SOD2: variants seen among roughly 807,000 people sequenced by gnomAD.
SOD2 encodes the protein superoxide dismutase [Mn], mitochondrial.
In SOD2, 11 loss-of-function variants were observed where a neutral mutation model predicts 27.0. The observed-to-expected ratio is 0.41, with a 90% confidence interval of 0.26 to 0.67. The LOEUF (loss-of-function observed/expected upper bound fraction) is 0.67, where lower values mean the gene tolerates loss of function less well. Ranked by LOEUF, SOD2 falls within the 30% of genes least tolerant of loss-of-function variation. SOD2 has a pLI of 0.34. For synonymous variants in SOD2, 105 were observed against 103.0 expected (o/e 1.02, Z -0.12); for missense variants, 250 against 274.5 (o/e 0.91, Z 0.63).
chr6:159,700,534 G>A (rs546352561), intron 1 of SOD2, among the ~76,000 whole-genome samples: 3 of 151,736 alleles, frequency 2.0e-5, no homozygotes, highest in South Asian at 2.1e-4. Context: ...GGCGCCTGTA[G>A]TCCCAGCTAC....
At chr6:159,759,594 C>T (rs1161588312) in intron 1 of SOD2, among the ~76,000 whole-genome samples, 1 of 150,058 alleles carries the variant, frequency 6.7e-6, no homozygotes, top group Non-Finnish European at 1.5e-5. Context: ...CGCTTGAACC[C>T]GGGAGGTGGA....
intron 1 of SOD2, among the ~76,000 whole-genome samples, chr6:159,718,777 A>C (rs1777971988): frequency 6.6e-6 from 1 of 152,212 alleles, no homozygotes; most frequent in South Asian, 2.1e-4. Flanking sequence ...AATGTGTCTT[A>C]GGCTAATTGC....
intron 1 of SOD2, among the ~76,000 whole-genome samples, chr6:159,707,118 AGT>A (rs1404416467): frequency 3.3e-5 from 5 of 152,356 alleles, no homozygotes; most frequent in African/African-American, 9.6e-5. Context: ...CATTTAAAGC[AGT>A]GTGTAGAGAG....
upstream of SOD2, among the ~76,000 whole-genome samples, chr6:159,728,393 A>G (rs1473572284): frequency 6.6e-6 from 1 of 151,790 alleles, no homozygotes; most frequent in Non-Finnish European, 1.5e-5. Context: ...ATCAAGGACT[A>G]GCATAACTGT....
At chr6:159,755,142 A>C (rs759258633) in intron 1 of SOD2, 20 of 1,614,098 alleles carry the variant, frequency 1.2e-5, no homozygotes, top group Admixed American at 3.3e-5. Context: ...CAGTACCAGC[A>C]GCAGCAGTCT....
chr6:159,695,670 A>AT (rs1298924981), upstream of SOD2, among the ~76,000 whole-genome samples: 5 of 151,602 alleles, frequency 3.3e-5, no homozygotes, highest in African/African-American at 1.2e-4. Context: ...AATTTTTTTT[A>AT]TTTTTTGTAG....
At chr6:159,738,971 A>G in intron 1 of SOD2, 12 of 1,595,148 alleles carry the variant, frequency 7.5e-6, no homozygotes, top group Non-Finnish European at 1.0e-5. Flanking sequence ...CTAAATTCAT[A>G]TTGTAATTCT....
rs1582995410 is a variant in SOD2, at chr6:159,675,001, C to A, written c.*7492G>T. The A allele has an allele frequency of 6.6e-6, 1 of 152,042 alleles. No individual in the cohort carries two copies. The highest frequency in any genetic ancestry group is 2.1e-4 in the South Asian group (1 of 4,812). The allele number at this position is 152,042 out of a possible 1,614,324, so 9.4% of individuals were successfully genotyped here. On this transcript the variant is annotated 3_prime_UTR_variant, in exon 5 of 5. Coordinates refer to ENST00000538183, the MANE Select transcript of SOD2 (RefSeq NM_000636.4). ...ATGAGTGAACTCCCATTCACAACTGCCTCAAAGAGAATAAAATACCTAGGA... is the reference window on the plus strand; with the variant it reads ...ATGAGTGAACTCCCATTCACAACTGACTCAAAGAGAATAAAATACCTAGGA...
chr6:159,750,774 G>A (rs1779789341), intron 1 of SOD2, among the ~76,000 whole-genome samples: 2 of 152,268 alleles, frequency 1.3e-5, no homozygotes, highest in African/African-American at 4.8e-5. Context: ...TATAAAATTG[G>A]CTGTAAGCCA....
At chr6:159,687,737 G>A (rs541997781) in intron 3 of SOD2, among the ~76,000 whole-genome samples, 13 of 152,172 alleles carry the variant, frequency 8.5e-5, no homozygotes, top group East Asian at 1.9e-4. Context: ...GGCCAGGCAC[G>A]GTGGCTCATG....
rs995629230 is a variant in SOD2 at position 159,727,001 on chromosome 6, C to T, written c.-116+128G>A. 5 of 1,266,024 alleles carry T rather than the reference C, an allele frequency of 3.9e-6. 1 individual carries two copies. The highest frequency in any genetic ancestry group is 2.0e-6 in the Non-Finnish European group (2 of 976,716). The allele number at this position is 1,266,024 out of a possible 1,614,324, so 78.4% of individuals were successfully genotyped here. ...ATCACGCGCCGCCTTCGCCCAGATC[C>T]CTCCGCACGAGGCAGCCCCGCAGCC... On this transcript the variant is annotated intron_variant, in intron 1 of 2. Coordinates refer to the SOD2 transcript ENST00000401980.
At chr6:159,755,524 G>C (rs776521777) in intron 1 of SOD2, 3 of 1,614,086 alleles carry the variant, frequency 1.9e-6, no homozygotes, top group Non-Finnish European at 1.7e-6. Flanking sequence ...AGAAAGCAGT[G>C]AGTGGGAAAG....
intron 1 of SOD2, among the ~76,000 whole-genome samples, chr6:159,733,577 G>T (rs1221839558): frequency 6.6e-6 from 1 of 150,706 alleles, no homozygotes; most frequent in Non-Finnish European, 1.5e-5. Flanking sequence ...AGCCATCATC[G>T]CACCACTGCA....
At chr6:159,692,288 A>C in intron 2 of SOD2, 1 of 716,918 alleles carries the variant, frequency 1.4e-6, no homozygotes, top group Non-Finnish European at 2.0e-6. Flanking sequence ...TCCCCAAAGC[A>C]CATTATACAA....
chr6:159,727,308 G>A (rs1324750883), exon 1 of SOD2: 2 of 1,280,546 alleles, frequency 1.6e-6, no homozygotes, highest in Non-Finnish European at 1.0e-6. Flanking sequence ...GAGTGACTGC[G>A]GCCACGCCTG....
upstream of SOD2, among the ~76,000 whole-genome samples, chr6:159,697,079 A>ACACACACACACACG (rs1491257731): frequency 1.3e-5 from 2 of 149,512 alleles, no homozygotes; most frequent in African/African-American, 5.0e-5. Context: ...ACACACACAC[A>ACACACACACACACG]CGCAGTCAGC....
chr6:159,693,092 C>CGCCGCGA lies in SOD2; in HGVS notation c.23+46_23+52dup. The stretch of plus-strand genomic sequence containing the variant: ...TCGCCATTGCCGCGGAGGCCCTGCC[C>CGCCGCGA]GCCGCGAGCCCCTTCGCCCTTGGGG... On this transcript the variant is annotated intron_variant, in intron 1 of 4. Coordinates refer to ENST00000538183, the MANE Select transcript of SOD2 (RefSeq NM_000636.4). The CGCCGCGA allele has an allele frequency of 5.9e-6, 9 of 1,514,838 alleles. No individual in the cohort carries two copies. The South Asian group carries it at 1.1e-4, about 19-fold the overall frequency. 93.8% of individuals were successfully genotyped at this position (1,514,838 alleles called of 1,614,324 possible).
chr6:159,750,973 C>T (rs1779798747), intron 1 of SOD2, among the ~76,000 whole-genome samples: 1 of 152,240 alleles, frequency 6.6e-6, no homozygotes, highest in South Asian at 2.1e-4. Flanking sequence ...CAGAAATAAC[C>T]TGTCCAGTTC....
chr6:159,730,911 G>C (rs2114869901), upstream of SOD2: 1 of 152,034 alleles, frequency 6.6e-6, no homozygotes, highest in Middle Eastern at 3.4e-3. Context: ...AAGAACATAA[G>C]CCAATGTCAG....
Sources: gnomAD v4.1 joint callset for allele counts (sites outside exome capture counted in the v4.1 genomes callset) on GRCh38, gnomAD v4.1.1 for gene constraint, MANE v1.5 for transcripts, NCBI Gene and HGNC (gene_info 2026-07-23, HGNC 2026-07-21) for gene names.